The following LHFPL2 variants were observed in gnomAD, a reference collection of about 807,000 sequenced individuals.
LHFPL2 encodes the protein LHFPL tetraspan subfamily member 2.
A neutral mutation model predicts 17.5 loss-of-function variants in LHFPL2; 7 were observed. That is an observed-to-expected ratio of 0.40 (90% CI 0.23 to 0.75). The LOEUF is 0.75. Ranked by LOEUF, LHFPL2 falls within the 30% of genes least tolerant of loss-of-function variation. LHFPL2 has a pLI of 0.37. For synonymous variants in LHFPL2, 134 were observed against 116.2 expected, an observed-to-expected ratio of 1.15 and a Z score of -0.99; for missense variants, 241 against 294.8, an observed-to-expected ratio of 0.82 and a Z score of 1.34.
rs182788375 is a variant in LHFPL2 at position 78,488,481 on chromosome 5, C to T, written c.*416G>A. 51 of 215,520 alleles carry T rather than the reference C, an allele frequency of 2.4e-4. No homozygotes were observed. Among genetic ancestry groups the T allele is most frequent in the Middle Eastern group, 2.0e-3 (1 of 500 alleles). 13.4% of individuals were successfully genotyped at this position (215,520 alleles called of 1,614,324 possible). ...AAAGAACAGAGGAAAACAAGAACTC[C>T]AACCCAAAACCCCATTCTGAGGCAG... On this transcript the variant is annotated 3_prime_UTR_variant, in exon 5 of 5. Coordinates refer to ENST00000380345, the MANE Select transcript of LHFPL2 (RefSeq NM_005779.3).
chr5:78,550,732 G>A (rs184110507), intron 3 of LHFPL2, among the ~76,000 whole-genome samples: 22 of 152,080 alleles, frequency 1.4e-4, no homozygotes, highest in Admixed American at 2.6e-4. Context: ...CACCAGGCTC[G>A]GCTAATTTTT....
At position 78,585,692 on chromosome 5, in the gene LHFPL2, A is replaced by C. The variant is rs192113823; in HGVS notation, c.-244-20821T>G. Among the ~76,000 whole-genome samples, 128 of 151,840 alleles carry C rather than the reference A, an allele frequency of 8.4e-4. 1 individual carries two copies. The East Asian group carries it at 9.9e-3, about 12-fold the overall frequency. On this transcript the variant is annotated intron_variant, in intron 2 of 4. Coordinates refer to ENST00000380345, the MANE Select transcript of LHFPL2 (RefSeq NM_005779.3). The stretch of plus-strand genomic sequence containing the variant: ...CAACCTCCACCTCCTCCTCCTCCTC[A>C]TCATCATCATCACCATCATCACGTA...
At chr5:78,583,423 G>A (rs1345383038) in intron 2 of LHFPL2, among the ~76,000 whole-genome samples, 2 of 150,296 alleles carry the variant, frequency 1.3e-5, no homozygotes, top group African/African-American at 4.9e-5. Context: ...GCTGGTACTG[G>A]TTGTTCCTTT....
At chr5:78,602,610 C>G (rs62378394) in intron 2 of LHFPL2, among the ~76,000 whole-genome samples, 1 of 152,150 alleles carries the variant, frequency 6.6e-6, no homozygotes. Flanking sequence ...AACATCAATT[C>G]GTATAGAAAT....
chr5:78,598,684 G>A (rs1298998550), intron 2 of LHFPL2, among the ~76,000 whole-genome samples: 2 of 152,124 alleles, frequency 1.3e-5, no homozygotes, highest in Non-Finnish European at 2.9e-5. Context: ...TCTTTTTATA[G>A]CATAAAAATT....
chr5:78,639,384 A>T (rs1028937577), intron 1 of LHFPL2, among the ~76,000 whole-genome samples: 19 of 152,198 alleles, frequency 1.2e-4, no homozygotes, highest in African/African-American at 4.6e-4. Flanking sequence ...AAGACAACCT[A>T]AGCACACCCA....
intron 2 of LHFPL2, among the ~76,000 whole-genome samples, chr5:78,573,464 T>A (rs771136558): frequency 2.0e-5 from 3 of 152,222 alleles, no homozygotes; most frequent in Non-Finnish European, 4.4e-5. Context: ...CAAGCGTCAC[T>A]ACAGCTGCCC....
intron 3 of LHFPL2, among the ~76,000 whole-genome samples, chr5:78,542,995 G>A (rs1249953670): frequency 6.6e-6 from 1 of 152,124 alleles, no homozygotes; most frequent in East Asian, 1.9e-4. Flanking sequence ...CTGAAAAATC[G>A]AGCTGCAAGC....
intron 2 of LHFPL2, 83 bp from the exon 3 acceptor site, chr5:78,564,954 T>C (rs1756820720): frequency 6.6e-6 from 1 of 152,180 alleles, no homozygotes; most frequent in Admixed American, 6.5e-5. Flanking sequence ...TTATATCTCA[T>C]TAAAATATGT....
intron 2 of LHFPL2, among the ~76,000 whole-genome samples, chr5:78,571,414 C>T (rs1352714833): frequency 6.6e-6 from 1 of 152,102 alleles, no homozygotes; most frequent in African/African-American, 2.4e-5. Context: ...CTCGCCTCTG[C>T]CCTCTCCGTG....
intron 2 of LHFPL2, among the ~76,000 whole-genome samples, chr5:78,575,349 C>A (rs1370432874): frequency 1.3e-5 from 2 of 152,126 alleles, no homozygotes; most frequent in African/African-American, 4.8e-5. Flanking sequence ...GAGATCGAGA[C>A]CATCCTGGCT....
At chr5:78,511,845 T>A (rs761930639) in intron 3 of LHFPL2, among the ~76,000 whole-genome samples, 17 of 152,176 alleles carry the variant, frequency 1.1e-4, no homozygotes, top group Non-Finnish European at 1.5e-5. Flanking sequence ...ACTAGGAACA[T>A]ATGCACTTAA....
chr5:78,502,151 T>C (rs1561308239), intron 4 of LHFPL2, among the ~76,000 whole-genome samples: 1 of 152,160 alleles, frequency 6.6e-6, no homozygotes, highest in Non-Finnish European at 1.5e-5. Context: ...TGAACATAAA[T>C]AGCATTCTTT....
Position 78,485,441 on chromosome 5 carries a change from C to A in LHFPL2, c.*3456G>T, listed in dbSNP as rs1158764526. ...TGTTGAATATCAAGTGGTGCCGAGTCCCTCCAGAGCACCTACTGACCCCCT... is the reference window on the plus strand; with the variant it reads ...TGTTGAATATCAAGTGGTGCCGAGTACCTCCAGAGCACCTACTGACCCCCT... On this transcript the variant is annotated 3_prime_UTR_variant, in exon 5 of 5. Coordinates refer to ENST00000380345, the MANE Select transcript of LHFPL2 (RefSeq NM_005779.3). The A allele has an allele frequency of 6.6e-6, 1 of 152,574 alleles. No individual in the cohort carries two copies. 9.5% of individuals were successfully genotyped at this position (152,574 alleles called of 1,614,324 possible). A position where few individuals can be genotyped will look rare whatever the true frequency, so the allele number is the denominator to read the frequency against.
chr5:78,588,337 A>G (rs1743505635), intron 2 of LHFPL2, among the ~76,000 whole-genome samples: 1 of 152,202 alleles, frequency 6.6e-6, no homozygotes, highest in Non-Finnish European at 1.5e-5. Flanking sequence ...CACCCAGCTT[A>G]TATCTTAAAA....
At chr5:78,634,288 C>G (rs1286079784) in intron 1 of LHFPL2, among the ~76,000 whole-genome samples, 2 of 152,174 alleles carry the variant, frequency 1.3e-5, no homozygotes, top group African/African-American at 4.8e-5. Flanking sequence ...GTTCCCAGGG[C>G]CTGCCCCCAA....
At chr5:78,524,230 C>T (rs1219723406) in intron 3 of LHFPL2, among the ~76,000 whole-genome samples, 1 of 152,224 alleles carries the variant, frequency 6.6e-6, no homozygotes, top group African/African-American at 2.4e-5. Flanking sequence ...CAGCCTTTTC[C>T]CTTGGGCTGC....
intron 3 of LHFPL2, among the ~76,000 whole-genome samples, chr5:78,563,064 C>G (rs1756771392): frequency 6.6e-6 from 1 of 152,226 alleles, no homozygotes; most frequent in African/African-American, 2.4e-5. Context: ...CTCAGGCAGA[C>G]AGTGCCTGGG....
intron 3 of LHFPL2, among the ~76,000 whole-genome samples, chr5:78,512,111 T>G (rs1289879885): frequency 6.6e-6 from 1 of 152,118 alleles, no homozygotes; most frequent in Non-Finnish European, 1.5e-5. Context: ...CTCCCTGCCC[T>G]CCGAAGCTTT....
Sources: allele counts gnomAD v4.1 joint callset (sites outside exome capture counted in the v4.1 genomes callset), GRCh38; gene constraint gnomAD v4.1.1; transcripts MANE v1.5; gene names NCBI Gene and HGNC (gene_info 2026-07-23, HGNC 2026-07-21).